The following SLC25A30 variants were observed in gnomAD, a reference collection of about 807,000 sequenced individuals.
SLC25A30 encodes the protein kidney mitochondrial carrier protein 1.
In SLC25A30, 29 loss-of-function variants were observed where a neutral mutation model predicts 42.7. The ratio of observed to expected loss-of-function variants is 0.68; its 90% CI spans 0.51 to 0.93. SLC25A30 has a LOEUF of 0.93. SLC25A30 is among the 40% of genes least tolerant of loss of function. SLC25A30 has a pLI of 0.00. For synonymous variants in SLC25A30, 124 were observed against 131.0 expected, an observed-to-expected ratio of 0.95 and a Z score of 0.37; for missense variants, 300 against 359.7, an observed-to-expected ratio of 0.83 and a Z score of 1.34.
Position 45,401,129 on chromosome 13 carries a change from G to C in SLC25A30, c.568C>G (p.Leu190Val). 6.2e-7 allele frequency: 1 copy of C among 1,614,070 alleles called. No homozygotes were observed. Among genetic ancestry groups the C allele is most frequent in the Non-Finnish European group, 8.5e-7 (1 of 1,179,968 alleles). Residue 190 changes from leucine (L) to valine (V), a missense_variant, in exon 7 of 10, where the codon CTT (leucine) becomes GTT (valine). By Grantham distance (32) the Leu-to-Val change is conservative. Coordinates refer to ENST00000519676, the MANE Select transcript of SLC25A30 (RefSeq NM_001010875.4). ...TCTCCCATCAGGCCTGAGAGAATAA[G>C]ATGCTTCTTGGTGATGTCATAGACC... ...LPVYDITKKHLILSGLMGDTV... is the reference protein window; with the variant it reads ...LPVYDITKKHVILSGLMGDTV...
intron 7 of SLC25A30, among the ~76,000 whole-genome samples, chr13:45,400,065 C>T (rs1566202641): frequency 6.8e-6 from 1 of 146,166 alleles, no homozygotes; most frequent in Non-Finnish European, 1.5e-5. Flanking sequence ...CACACACACA[C>T]ATATGAATGA....
At chr13:45,412,621 C>A (rs1361794373) in intron 1 of SLC25A30, among the ~76,000 whole-genome samples, 3 of 152,168 alleles carry the variant, frequency 2.0e-5, no homozygotes, top group African/African-American at 4.8e-5. Flanking sequence ...GGGGGACATC[C>A]ATACTTTTAT....
chr13:45,408,026 A>G (rs1882677900), intron 3 of SLC25A30, among the ~76,000 whole-genome samples: 1 of 152,122 alleles, frequency 6.6e-6, no homozygotes, highest in African/African-American at 2.4e-5. Flanking sequence ...CAGGCAGGTG[A>G]TGTTTACAAT....
chr13:45,401,189 G>A lies in SLC25A30; in HGVS notation c.508C>T (p.Gln170Ter). 1 of 1,614,022 alleles carries A rather than the reference G, an allele frequency of 6.2e-7. No individual in the cohort carries two copies. Among genetic ancestry groups the A allele is most frequent in the Non-Finnish European group, 8.5e-7 (1 of 1,179,966 alleles). The change falls in exon 7 of 10, where the codon CAG becomes TAG. Residue 170 changes from glutamine to a stop codon, truncating the protein, a stop_gained. Coordinates refer to ENST00000519676, the MANE Select transcript of SLC25A30 (RefSeq NM_001010875.4). LOFTEE classifies it high-confidence loss of function. ...ACACCAACAACAATAGCAGCCCTCT[G>A]CGCAGTAAGGGACACACCCTGGGTA... ...GLWKGVSLTA[Q>*]RAAIVVGVEL...
At chr13:45,397,517 C>G (rs995601937) in intron 8 of SLC25A30, 179 bp from the exon 9 acceptor site, 1 of 473,018 alleles carries the variant, frequency 2.1e-6, no homozygotes, top group East Asian at 3.8e-5. Context: ...GCAGTGAAAC[C>G]CTGTCTCTAC....
chr13:45,397,351 GAA>G lies in SLC25A30; in HGVS notation c.754-15_754-14del. 1 of 1,583,664 alleles carries G rather than the reference GAA, an allele frequency of 6.3e-7. No individual in the cohort carries two copies. Among genetic ancestry groups the G allele is most frequent in the Non-Finnish European group, 8.6e-7 (1 of 1,158,314 alleles). ...CATTCTTCCATGTCTGTTAAAAGAA[GAA>G]AAAAAAGTTAACTTCCAACTTTCTA... On this transcript the variant is annotated splice_polypyrimidine_tract_variant and intron_variant, in intron 8 of 9. Coordinates refer to ENST00000519676, the MANE Select transcript of SLC25A30 (RefSeq NM_001010875.4).
the SLC25A30 span, among the ~76,000 whole-genome samples, chr13:45,424,099 A>C: frequency 3.0e-3 from 313 of 103,948 alleles, 4 homozygotes; most frequent in Admixed American, 0.028. Context: ...ATCTATAAAT[A>C]TATAAAAATA....
At chr13:45,407,552 C>T (rs151173263) in intron 3 of SLC25A30, among the ~76,000 whole-genome samples, 3 of 152,218 alleles carry the variant, frequency 2.0e-5, no homozygotes, top group Admixed American at 2.0e-4. Flanking sequence ...AAGCAAGACC[C>T]TGTCTCAAAA....
At chr13:45,419,546 C>T (rs1002498424), upstream of SLC25A30, among the ~76,000 whole-genome samples, 5 of 150,580 alleles carry the variant, frequency 3.3e-5, no homozygotes, top group East Asian at 2.0e-4. Context: ...CTCGAACTCC[C>T]GACCTCAGGT....
chr13:45,409,678 A>T (rs531086313), intron 2 of SLC25A30, among the ~76,000 whole-genome samples: 1 of 152,142 alleles, frequency 6.6e-6, no homozygotes, highest in South Asian at 2.1e-4. Flanking sequence ...GCGTGGTGGC[A>T]GGCACCTGTA....
chr13:45,415,314 C>T (rs1009765372), intron 1 of SLC25A30, among the ~76,000 whole-genome samples: 3 of 152,108 alleles, frequency 2.0e-5, no homozygotes, highest in Non-Finnish European at 4.4e-5. Flanking sequence ...TCACATGACC[C>T]TTCCTCTAGA....
At position 45,404,276 on chromosome 13, in the gene SLC25A30, T is replaced by C. The variant is rs781107356; in HGVS notation, c.393+51A>G. On this transcript the variant is annotated intron_variant, in intron 5 of 9. Transcript: ENST00000519676. The stretch of plus-strand genomic sequence containing the variant: ...AGATTCCATTACCCGAATGTTGTTC[T>C]CAATAAGAAAATGTGGAATGTGCCT... 1.8e-5 allele frequency: 23 copies of C among 1,249,178 alleles called. No homozygotes were observed. In the Admixed American group the frequency reaches 3.9e-4, roughly 21 times the overall value. The allele number at this position is 1,249,178 out of a possible 1,614,324, so 77.4% of individuals were successfully genotyped here. A position where few individuals can be genotyped will look rare whatever the true frequency, so the allele number is the denominator to read the frequency against.
the SLC25A30 span, among the ~76,000 whole-genome samples, chr13:45,423,544 ATAAATACAT>A: frequency 0.011 from 947 of 89,398 alleles, 31 homozygotes; most frequent in African/African-American, 0.04. Flanking sequence ...ACAAATATAT[ATAAATACAT>A]AAAAAAAATA....
At position 45,393,525 on chromosome 13, in the gene SLC25A30, A is replaced by G; in HGVS notation, c.*2449T>C. ...TTATGAATCCACAACATTAAGCATC[A>G]ATGATTACACAAATCCATAAGCACA... On this transcript the variant is annotated 3_prime_UTR_variant, in exon 10 of 10. Coordinates refer to ENST00000519676, the MANE Select transcript of SLC25A30 (RefSeq NM_001010875.4). 2 of 985,446 alleles carry G rather than the reference A, an allele frequency of 2.0e-6. No homozygotes were observed. Among genetic ancestry groups the G allele is most frequent in the Non-Finnish European group, 2.4e-6 (2 of 829,930 alleles). The allele number at this position is 985,446 out of a possible 1,614,324, so 61.0% of individuals were successfully genotyped here.
intron 4 of SLC25A30, among the ~76,000 whole-genome samples, chr13:45,405,269 G>A (rs1211922601): frequency 1.3e-5 from 2 of 152,138 alleles, no homozygotes; most frequent in African/African-American, 2.4e-5. Context: ...TAATTAAGAT[G>A]AGCTATATCT....
intron 5 of SLC25A30, among the ~76,000 whole-genome samples, chr13:45,403,152 G>A (rs1051650282): frequency 6.6e-6 from 1 of 152,160 alleles, no homozygotes; most frequent in South Asian, 2.1e-4. Context: ...ATGAGAGTAC[G>A]AATATTTTTC....
intron 9 of SLC25A30, chr13:45,396,835 G>A (rs561732886): frequency 1.2e-5 from 2 of 171,658 alleles, no homozygotes; most frequent in East Asian, 1.8e-4. Flanking sequence ...CATAGGAAGC[G>A]TGCTGGCCTG....
the SLC25A30 span, among the ~76,000 whole-genome samples, chr13:45,431,033 C>T: frequency 3.3e-5 from 5 of 151,692 alleles, no homozygotes; most frequent in African/African-American, 7.3e-5. Flanking sequence ...GACAATTGCA[C>T]GCTTCTTTTG....
Position 45,395,324 on chromosome 13 carries a change from T to A in SLC25A30, c.*650A>T. On this transcript the variant is annotated 3_prime_UTR_variant, in exon 10 of 10. Transcript: ENST00000519676. ...AGCCAACACATAACACCACCACGAA[T>A]TTAGAGATTATTACTTTGTAACAAT... 2 of 986,346 alleles carry A rather than the reference T, an allele frequency of 2.0e-6. No homozygotes were observed. Among genetic ancestry groups the A allele is most frequent in the Non-Finnish European group, 2.4e-6 (2 of 830,590 alleles). The allele number at this position is 986,346 out of a possible 1,614,324, so 61.1% of individuals were successfully genotyped here.
Sources: allele counts gnomAD v4.1 joint callset (sites outside exome capture counted in the v4.1 genomes callset), GRCh38; gene constraint gnomAD v4.1.1; transcripts MANE v1.5; gene names NCBI Gene and HGNC (gene_info 2026-07-23, HGNC 2026-07-21).